UMODL1: variants seen among roughly 807,000 people sequenced by gnomAD.
UMODL1 encodes uromodulin-like 1.
Under a neutral mutation model 136.3 loss-of-function variants are expected in UMODL1, and 128 were observed. The ratio of observed to expected loss-of-function variants is 0.94; its 90% CI spans 0.81 to 1.09. UMODL1 has a LOEUF of 1.09. Ranked by LOEUF, UMODL1 falls within the 50% of genes least tolerant of loss-of-function variation. The pLI, the probability that UMODL1 is intolerant of heterozygous loss-of-function variation, is 0.00. For synonymous variants in UMODL1, 721 were observed against 720.0 expected (o/e 1.00, Z -0.02); for missense variants, 1,766 against 1,725.6 (o/e 1.02, Z -0.41).
intron 10 of UMODL1, 92 bp from the exon 11 acceptor site, chr21:42,110,788 C>A: frequency 7.9e-7 from 1 of 1,265,526 alleles, no homozygotes; most frequent in Non-Finnish European, 1.1e-6. Context: ...GGATGCAGAG[C>A]AGTCCTGCTG....
intron 21 of UMODL1, among the ~76,000 whole-genome samples, chr21:42,131,035 G>A (rs1035250731): frequency 7.2e-5 from 11 of 151,990 alleles, no homozygotes; most frequent in Admixed American, 1.3e-4. Flanking sequence ...GGATGGTCTC[G>A]ATCTCCTGAC....
upstream of UMODL1, chr21:42,071,311 C>T (rs573512096): frequency 1.9e-5 from 30 of 1,575,352 alleles, no homozygotes; most frequent in South Asian, 1.5e-4. Flanking sequence ...CCACCACTGC[C>T]GGACGATGCT....
At chr21:42,133,884 C>T (rs74420600) in intron 21 of UMODL1, among the ~76,000 whole-genome samples, 4,241 of 94,648 alleles carry the variant, frequency 0.045, 219 homozygotes, top group African/African-American at 0.12. Flanking sequence ...TTCAATATAT[C>T]TGTTTTTTGT....
At position 42,118,076 on chromosome 21, in the gene UMODL1, G is replaced by T. The variant is rs8132899; in HGVS notation, c.2476-1035G>T. ...GATGTCAGGAGGTGTTGGCTGCATG[G>T]CTTGGTCCCTGGCTCTTCACCACTT... On this transcript the variant is annotated intron_variant, in intron 14 of 22. Coordinates refer to ENST00000408910, the MANE Select transcript of UMODL1 (RefSeq NM_001004416.3). 2.3e-3 allele frequency among the ~76,000 whole-genome samples: 349 copies of T among 152,354 alleles called. 2 individuals are homozygous for T. The highest frequency in any genetic ancestry group is 8.0e-3 in the African/African-American group (333 of 41,580).
At chr21:42,111,234 C>G (rs747614073) in intron 11 of UMODL1, 113 bp downstream of exon 11, 137 of 1,520,080 alleles carry the variant, frequency 9.0e-5, no homozygotes, top group Middle Eastern at 1.9e-4. Flanking sequence ...ACCAGCCAGG[C>G]GAGCCCCAGC....
intron 9 of UMODL1, chr21:42,108,171 A>G (rs2066750037): frequency 2.4e-6 from 1 of 415,934 alleles, no homozygotes; most frequent in Non-Finnish European, 5.0e-6. Flanking sequence ...CACGCCCCAA[A>G]ATAGACATCA....
In UMODL1 at chr21:42,099,416, G is replaced by A. The variant is rs186880138; in HGVS notation, c.1186+236G>A. On this transcript the variant is annotated intron_variant, in intron 7 of 22. Transcript: ENST00000408910. The surrounding 1 kb of genome is among the most constrained non-coding windows in gnomAD (Gnocchi z 4.1). The stretch of plus-strand genomic sequence containing the variant: ...CTACATGTCGTCCTGTTAGGGGTTC[G>A]TTCTGCCGTGTGAGGGGACAACATG... Among the ~76,000 whole-genome samples, 619 of 152,234 alleles carry A rather than the reference G, an allele frequency of 4.1e-3. 3 individuals carry two copies. Among genetic ancestry groups the A allele is most frequent in the African/African-American group, 0.014 (580 of 41,534 alleles).
upstream of UMODL1, among the ~76,000 whole-genome samples, chr21:42,069,346 T>C (rs552833843): frequency 3.3e-5 from 5 of 151,806 alleles, no homozygotes; most frequent in East Asian, 9.8e-4. Context: ...AGACTGTTAA[T>C]TTTGGGATTT....
At chr21:42,081,780 C>T (rs971014874) in intron 2 of UMODL1, among the ~76,000 whole-genome samples, 8 of 152,154 alleles carry the variant, frequency 5.3e-5, no homozygotes, top group African/African-American at 1.2e-4. Context: ...TGGGCATTGT[C>T]GGGAAACTCC....
chr21:42,108,047 G>C (rs1320808193), intron 9 of UMODL1, among the ~76,000 whole-genome samples: 1 of 152,224 alleles, frequency 6.6e-6, no homozygotes, highest in African/African-American at 2.4e-5. Context: ...CTGAACTGGA[G>C]GGCCGGCAAG....
In UMODL1 at chr21:42,111,118, G is replaced by A. The variant is rs751445279; in HGVS notation, c.1896G>A (p.Gln632=). Residue 632 remains glutamine, a synonymous_variant, in exon 11 of 23, where the codon CAG becomes CAA. Coordinates refer to ENST00000408910, the MANE Select transcript of UMODL1 (RefSeq NM_001004416.3). ...DRNNTGKGVE[Q]ELQGNSIMEP... Reference sequence around the variant, plus strand: ...ACAACACAGGAAAAGGCGTGGAGCAGGAGGTGCCCAGCACTGCCCCGGGTC... The same window carrying A: ...ACAACACAGGAAAAGGCGTGGAGCAAGAGGTGCCCAGCACTGCCCCGGGTC... 17 of 1,608,578 alleles carry A rather than the reference G, an allele frequency of 1.1e-5. No homozygotes were observed. The highest frequency in any genetic ancestry group is 1.4e-5 in the Non-Finnish European group (17 of 1,177,920).
chr21:42,069,303 A>G (rs2066209603), upstream of UMODL1, among the ~76,000 whole-genome samples: 1 of 149,830 alleles, frequency 6.7e-6, no homozygotes, highest in South Asian at 2.1e-4. Flanking sequence ...GCCTCAATAA[A>G]ACAGAGGTTG....
chr21:42,116,409 T>C (rs1399952938), intron 14 of UMODL1, among the ~76,000 whole-genome samples: 1 of 151,756 alleles, frequency 6.6e-6, no homozygotes, highest in Non-Finnish European at 1.5e-5. Flanking sequence ...CTATAGGTCC[T>C]ATGAGCTCCT....
Position 42,099,113 on chromosome 21 carries a change from G to C in UMODL1, c.1119G>C (p.Leu373=). The change falls in exon 7 of 23, where the codon CTG becomes CTC. Residue 373 remains leucine (L), a synonymous_variant. Transcript: ENST00000408910. The surrounding 1 kb of genome is among the most constrained non-coding windows in gnomAD (Gnocchi z 4.1). The part of the protein sequence containing the change: ...LAVAGLEAGV[L]YRVKTSYQGC... Reference sequence around the variant, plus strand: ...TGGCTGGGCTGGAGGCTGGAGTGCTGTACAGGGTGAAGACCAGCTACCAGG... The same window carrying C: ...TGGCTGGGCTGGAGGCTGGAGTGCTCTACAGGGTGAAGACCAGCTACCAGG... The C allele has an allele frequency of 6.2e-7, 1 of 1,614,088 alleles. No individual in the cohort carries two copies. The highest frequency in any genetic ancestry group is 1.1e-5 in the South Asian group (1 of 91,072).
At chr21:42,091,854 G>T (rs991591353) in intron 6 of UMODL1, among the ~76,000 whole-genome samples, 3 of 152,222 alleles carry the variant, frequency 2.0e-5, no homozygotes, top group Admixed American at 1.3e-4. Flanking sequence ...GTCACCTCCA[G>T]GTGACACTTA....
At chr21:42,070,668 A>G (rs2066221811), upstream of UMODL1, among the ~76,000 whole-genome samples, 1 of 152,218 alleles carries the variant, frequency 6.6e-6, no homozygotes, top group Non-Finnish European at 1.5e-5. Flanking sequence ...GATGCTCTGT[A>G]ATAATTACTC....
chr21:42,138,320 T>C (rs2067236191), intron 22 of UMODL1, among the ~76,000 whole-genome samples: 1 of 152,168 alleles, frequency 6.6e-6, no homozygotes, highest in Admixed American at 6.5e-5. Flanking sequence ...TGAAACCTGG[T>C]GCTCGTAGGG....
At chr21:42,140,943 C>T (rs1008038804) in intron 22 of UMODL1, among the ~76,000 whole-genome samples, 2 of 152,122 alleles carry the variant, frequency 1.3e-5, no homozygotes, top group Non-Finnish European at 1.5e-5. Flanking sequence ...TGAAGACCCC[C>T]TCCTCACCAA....
At chr21:42,075,784 C>T (rs555579577) in intron 1 of UMODL1, among the ~76,000 whole-genome samples, 14 of 152,342 alleles carry the variant, frequency 9.2e-5, no homozygotes, top group South Asian at 4.1e-4. Context: ...GGCCAGGCTA[C>T]GTTTATGCTT....
Sources: gnomAD v4.1 joint callset for allele counts (sites outside exome capture counted in the v4.1 genomes callset) on GRCh38, gnomAD v4.1.1 for gene constraint, Gnocchi (gnomAD v3.1) non-coding constraint, MANE v1.5 for transcripts, NCBI Gene and HGNC (gene_info 2026-07-23, HGNC 2026-07-21) for gene names.